The following DPH6 variants were observed in gnomAD, a reference collection of about 807,000 sequenced individuals.
DPH6 encodes diphthamine biosynthesis 6, also known as diphthine--ammonia ligase.
Under a neutral mutation model 38.2 loss-of-function variants are expected in DPH6, and 33 were observed. The observed-to-expected ratio is 0.86, with a 90% confidence interval of 0.65 to 1.15. The LOEUF (loss-of-function observed/expected upper bound fraction) is 1.15, where lower values mean the gene tolerates loss of function less well. DPH6 is among the 50% of genes most tolerant of loss of function. The probability of loss-of-function intolerance (pLI) is 0.00; values close to 1 mark genes in which losing one functional copy is unlikely to be tolerated. For synonymous variants in DPH6, 108 were observed against 103.0 expected, an observed-to-expected ratio of 1.05 and a Z score of -0.30; for missense variants, 325 against 320.0, an observed-to-expected ratio of 1.02 and a Z score of -0.12.
At chr15:35,355,828 C>T (rs573229727) in intron 3 of DPH6, among the ~76,000 whole-genome samples, 2 of 152,122 alleles carry the variant, frequency 1.3e-5, no homozygotes, top group Non-Finnish European at 2.9e-5. Context: ...TGAATGTTGG[C>T]CTGCCTTGCT....
At chr15:35,277,912 G>A (rs762146006) in intron 3 of DPH6, among the ~76,000 whole-genome samples, 7 of 152,148 alleles carry the variant, frequency 4.6e-5, no homozygotes, top group Non-Finnish European at 1.0e-4. Context: ...ATCAGATACA[G>A]GAGCAAATAA....
At chr15:35,232,310 G>A (rs8028547) in intron 3 of DPH6, among the ~76,000 whole-genome samples, 5,304 of 152,220 alleles carry the variant, frequency 0.035, 286 homozygotes, top group African/African-American at 0.12. Flanking sequence ...GGCCAGGCGC[G>A]GTGGCTCATG....
At chr15:35,491,394 T>C (rs1236603808) in intron 3 of DPH6, among the ~76,000 whole-genome samples, 1 of 152,112 alleles carries the variant, frequency 6.6e-6, no homozygotes, top group East Asian at 1.9e-4. Flanking sequence ...ATGGAGACTG[T>C]TAGTGAAATC....
At chr15:35,385,038 T>A (rs1037478651) in intron 6 of DPH6, among the ~76,000 whole-genome samples, 1 of 152,120 alleles carries the variant, frequency 6.6e-6, no homozygotes, top group Non-Finnish European at 1.5e-5. Flanking sequence ...CACTGGTCAT[T>A]AGAGAAATGC....
At chr15:35,529,841 A>G (rs2055060546) in intron 3 of DPH6, among the ~76,000 whole-genome samples, 1 of 152,146 alleles carries the variant, frequency 6.6e-6, no homozygotes, top group Non-Finnish European at 1.5e-5. Context: ...TATTCACTCA[A>G]TATTTTCCCA....
chr15:35,529,279 G>A (rs538863111), intron 3 of DPH6, among the ~76,000 whole-genome samples: 11 of 152,222 alleles, frequency 7.2e-5, no homozygotes, highest in South Asian at 2.1e-4. Context: ...GGCAGAAGTC[G>A]AAAGAAAAGC....
At chr15:35,188,089 T>C in the DPH6 span, among the ~76,000 whole-genome samples, 1 of 152,170 alleles carries the variant, frequency 6.6e-6, no homozygotes, top group East Asian at 1.9e-4. Flanking sequence ...CAGATGACCA[T>C]CAGGTGATGG....
rs370160874 is a variant in DPH6 at position 35,313,240 on chromosome 15, A to AT, written n.200+60280dup. 4.3e-3 allele frequency among the ~76,000 whole-genome samples: 606 copies of AT among 142,394 alleles called. 4 individuals are homozygous for AT. The highest frequency in any genetic ancestry group is 0.01 in the Admixed American group (144 of 14,246). 93.4% of individuals were successfully genotyped at this position (142,394 alleles called of 152,430 possible). On this transcript the variant is annotated intron_variant and non_coding_transcript_variant, in intron 3 of 3. Coordinates refer to the DPH6 transcript ENST00000560386. The stretch of plus-strand genomic sequence containing the variant: ...AGAGTGAGACTCAGTTTAAAAAAAA[A>AT]TTTTTTTTTTTTTTTTAAATCAGGT...
chr15:35,158,016 T>A, the DPH6 span, among the ~76,000 whole-genome samples: 3 of 152,106 alleles, frequency 2.0e-5, no homozygotes, highest in Non-Finnish European at 4.4e-5. Flanking sequence ...ATACTTTCAT[T>A]TTCAGTCTTA....
At chr15:35,541,800 G>T (rs970304659) in intron 2 of DPH6, among the ~76,000 whole-genome samples, 1 of 151,942 alleles carries the variant, frequency 6.6e-6, no homozygotes, top group Admixed American at 6.6e-5. Flanking sequence ...AGCTATAATT[G>T]GGGATATTTC....
rs573470614 is a variant in DPH6 at position 35,341,806 on chromosome 15, G to C, written n.208-10729C>G. On this transcript the variant is annotated intron_variant and non_coding_transcript_variant, in intron 3 of 3. Coordinates refer to the DPH6 transcript ENST00000558973. ...CAAACACGCTTGTAGGAGGTGGCTGGAGATCCCTTTTGGGAGGTCTCACCC... is the reference window on the plus strand; with the variant it reads ...CAAACACGCTTGTAGGAGGTGGCTGCAGATCCCTTTTGGGAGGTCTCACCC... Among the ~76,000 whole-genome samples, 7 of 152,292 alleles carry C rather than the reference G, an allele frequency of 4.6e-5. No individual in the cohort carries two copies. The East Asian group carries it at 1.3e-3, about 29-fold the overall frequency.
chr15:35,359,910 T>C (rs2140905069), intron 3 of DPH6, among the ~76,000 whole-genome samples: 1 of 152,322 alleles, frequency 6.6e-6, no homozygotes, highest in East Asian at 1.9e-4. Flanking sequence ...TATTCATGTA[T>C]TGTCTTCCTG....
At chr15:35,210,829 A>G in the DPH6 span, among the ~76,000 whole-genome samples, 2 of 151,964 alleles carry the variant, frequency 1.3e-5, no homozygotes, top group Non-Finnish European at 2.9e-5. Context: ...TGTGGGTTTC[A>G]GGTCATGAAA....
At chr15:35,221,757 A>G (rs1410045727) in intron 3 of DPH6, among the ~76,000 whole-genome samples, 2 of 152,152 alleles carry the variant, frequency 1.3e-5, no homozygotes, top group Non-Finnish European at 2.9e-5. Flanking sequence ...CAAGCTTTTT[A>G]ATTCTTTATA....
chr15:35,315,419 G>A (rs1226664583), intron 3 of DPH6, among the ~76,000 whole-genome samples: 2 of 152,190 alleles, frequency 1.3e-5, no homozygotes, highest in East Asian at 3.8e-4. Flanking sequence ...AATTAATAAA[G>A]ATGTGTTTGA....
At chr15:35,350,263 A>G (rs1188022145) in intron 3 of DPH6, among the ~76,000 whole-genome samples, 1 of 146,680 alleles carries the variant, frequency 6.8e-6, no homozygotes, top group East Asian at 2.0e-4. Flanking sequence ...GATCATTTGT[A>G]TTTCTGTATC....
At chr15:35,481,404 T>C (rs1021052318) in intron 3 of DPH6, among the ~76,000 whole-genome samples, 2 of 152,092 alleles carry the variant, frequency 1.3e-5, no homozygotes, top group African/African-American at 2.4e-5. Flanking sequence ...AGATTATAGA[T>C]TACAAAAGAC....
chr15:35,147,495 G>C, the DPH6 span, among the ~76,000 whole-genome samples: 4 of 152,206 alleles, frequency 2.6e-5, no homozygotes, highest in African/African-American at 9.6e-5. Flanking sequence ...AGCAGAAGCA[G>C]TGACAAAGGA....
rs181207280 is a variant in DPH6, at chr15:35,262,386, A to C, written n.201-41804T>G. Among the ~76,000 whole-genome samples, 824 of 152,322 alleles carry C rather than the reference A, an allele frequency of 5.4e-3. 7 individuals carry two copies. Among genetic ancestry groups the C allele is most frequent in the South Asian group, 8.7e-3 (42 of 4,826 alleles). ...TTACTAATTTGCCATAAGTCTTTAA[A>C]AAATGTTTTCTAAGTGATTTTTTTT... On this transcript the variant is annotated intron_variant and non_coding_transcript_variant, in intron 3 of 3. Transcript: ENST00000560386.
Sources: allele counts gnomAD v4.1 joint callset (sites outside exome capture counted in the v4.1 genomes callset), GRCh38; gene constraint gnomAD v4.1.1; transcripts MANE v1.5; gene names NCBI Gene and HGNC (gene_info 2026-07-23, HGNC 2026-07-21).